TSC22D1: variants seen among roughly 807,000 people sequenced by gnomAD.
The protein encoded by TSC22D1 is TSC22 domain family protein 1.
In TSC22D1, 9 loss-of-function variants were observed where a neutral mutation model predicts 74.2. The observed-to-expected ratio is 0.12, with a 90% CI of 0.07 to 0.21. The LOEUF (loss-of-function observed/expected upper bound fraction) is 0.21. Among genes scored for constraint, TSC22D1 ranks in the 10% least tolerant of loss-of-function variants. TSC22D1 has a pLI of 1.00. For missense variants in TSC22D1, 1,427 were observed against 1,304.7 expected (o/e 1.09, Z -1.44); for synonymous variants, 586 against 492.5 (o/e 1.19, Z -2.51).
chr13:44,525,792 T>C (rs1880517514), intron 1 of TSC22D1, among the ~76,000 whole-genome samples: 1 of 114,184 alleles, frequency 8.8e-6, no homozygotes, highest in East Asian at 2.4e-4. Context: ...ATCTAGCTTT[T>C]AACAAAAAAA....
chr13:44,561,339 C>T (rs1363197723), intron 1 of TSC22D1, among the ~76,000 whole-genome samples: 1 of 152,170 alleles, frequency 6.6e-6, no homozygotes, highest in African/African-American at 2.4e-5. Flanking sequence ...AGCAACTAGA[C>T]ATCCCAAGTA....
chr13:44,450,703 G>A (rs1168710226), intron 1 of TSC22D1, among the ~76,000 whole-genome samples: 1 of 152,216 alleles, frequency 6.6e-6, no homozygotes, highest in Admixed American at 6.5e-5. Context: ...GTAGGCTAAG[G>A]GGAGTAAACT....
At chr13:44,544,641 G>A (rs1014996835) in intron 1 of TSC22D1, among the ~76,000 whole-genome samples, 1 of 150,340 alleles carries the variant, frequency 6.7e-6, no homozygotes, top group Non-Finnish European at 1.5e-5. Flanking sequence ...TTTCCTAAAA[G>A]AGAAGAAAGC....
At chr13:44,518,592 G>GA (rs888120219) in intron 1 of TSC22D1, among the ~76,000 whole-genome samples, 1 of 152,090 alleles carries the variant, frequency 6.6e-6, no homozygotes, top group Non-Finnish European at 1.5e-5. Context: ...GCCTATGAGA[G>GA]AAAAAAATTT....
intron 1 of TSC22D1, among the ~76,000 whole-genome samples, chr13:44,489,663 A>G (rs1878612089): frequency 6.6e-6 from 1 of 151,996 alleles, no homozygotes; most frequent in Non-Finnish European, 1.5e-5. Context: ...TCATCTCTAT[A>G]AAGAATTTTA....
chr13:44,451,735 C>T (rs982701287), intron 1 of TSC22D1, among the ~76,000 whole-genome samples: 5 of 152,326 alleles, frequency 3.3e-5, no homozygotes, highest in East Asian at 3.9e-4. Flanking sequence ...TGAAGCCACA[C>T]GCTGAGGATC....
intron 1 of TSC22D1, among the ~76,000 whole-genome samples, chr13:44,459,101 C>T (rs73188737): frequency 0.024 from 3,663 of 152,266 alleles, 43 homozygotes; most frequent in Non-Finnish European, 0.035. Context: ...GTGCTTTTTC[C>T]AGGCCCACTC....
chr13:44,436,309 A>AT, intron 1 of TSC22D1: 1 of 928,748 alleles, frequency 1.1e-6, no homozygotes, highest in Non-Finnish European at 1.6e-6. Flanking sequence ...AAAGGACTAA[A>AT]TTACATAATG....
At chr13:44,492,419 T>C (rs936592827) in intron 1 of TSC22D1, among the ~76,000 whole-genome samples, 2 of 152,198 alleles carry the variant, frequency 1.3e-5, no homozygotes, top group Admixed American at 6.5e-5. Flanking sequence ...TTGGAAAATC[T>C]TGAATTGAAC....
intron 1 of TSC22D1, among the ~76,000 whole-genome samples, chr13:44,534,357 G>A (rs1483264562): frequency 4.8e-5 from 6 of 126,266 alleles, no homozygotes; most frequent in African/African-American, 1.2e-4. Context: ...GTGAGACCCC[G>A]TCTTAAAAAA....
At chr13:44,557,445 G>A (rs1448627942) in intron 1 of TSC22D1, among the ~76,000 whole-genome samples, 1 of 152,240 alleles carries the variant, frequency 6.6e-6, no homozygotes, top group Non-Finnish European at 1.5e-5. Context: ...TGGCGACAGA[G>A]CGAGACTCCG....
At chr13:44,448,724 G>C (rs926232000) in intron 1 of TSC22D1, among the ~76,000 whole-genome samples, 6 of 152,106 alleles carry the variant, frequency 3.9e-5, no homozygotes, top group African/African-American at 1.4e-4. Context: ...AAGCAAAATG[G>C]ACCTTGGAGA....
At chr13:44,531,185 T>C (rs1323038898) in intron 1 of TSC22D1, among the ~76,000 whole-genome samples, 2 of 152,120 alleles carry the variant, frequency 1.3e-5, no homozygotes, top group Non-Finnish European at 2.9e-5. Context: ...TAACACAAGA[T>C]GGTAACAGGA....
intron 1 of TSC22D1, among the ~76,000 whole-genome samples, chr13:44,506,671 T>A (rs760207287): frequency 6.6e-6 from 1 of 152,146 alleles, no homozygotes; most frequent in African/African-American, 2.4e-5. Flanking sequence ...TGTAAGAAGA[T>A]AGCTAGAAGG....
chr13:44,551,831 T>C (rs113907580), intron 1 of TSC22D1, among the ~76,000 whole-genome samples: 3,556 of 152,092 alleles, frequency 0.023, 118 homozygotes, highest in African/African-American at 0.076. Flanking sequence ...AGGTCAGGTG[T>C]TCGAGGCTGC....
intron 1 of TSC22D1, chr13:44,436,299 A>G: frequency 1.1e-6 from 1 of 905,140 alleles, no homozygotes; most frequent in Non-Finnish European, 1.7e-6. Context: ...AGTAAGCCAC[A>G]AAGGACTAAA....
rs1199466516 is a variant in TSC22D1 at position 44,575,929 on chromosome 13, C to G, written c.146G>C (p.Gly49Ala). ...SALNAAGTGV[G>A]SNATSSEDFP... ...ATCCTCGGAAGATGTGGCATTACTA[C>G]CGACGCCGGTACCTGCTGCATTGAG... is the stretch of plus-strand genomic sequence containing the variant. Residue 49 changes from glycine (G) to alanine (A), a missense_variant, in exon 1 of 3, where the codon GGT (glycine) becomes GCT (alanine). Physicochemically the swap from Gly to Ala is moderately conservative, Grantham distance 60 (BLOSUM62 0). This residue lies in a region of TSC22D1 where 1,343 missense variants were observed against 1,191.5 expected (regional missense o/e 1.13). Coordinates refer to ENST00000458659, the MANE Select transcript of TSC22D1 (RefSeq NM_183422.4). 1.2e-6 allele frequency: 2 copies of G among 1,613,138 alleles called. No homozygotes were observed. Among genetic ancestry groups the G allele is most frequent in the Admixed American group, 3.3e-5 (2 of 59,894 alleles).
intron 1 of TSC22D1, among the ~76,000 whole-genome samples, chr13:44,487,498 C>T (rs1367747111): frequency 8.5e-5 from 2 of 23,460 alleles, no homozygotes; most frequent in African/African-American, 2.2e-4. Context: ...GACTCCATCT[C>T]AAAAAAAAAA....
At chr13:44,436,869 A>C (rs1874709521) in intron 1 of TSC22D1, 3 of 1,222,802 alleles carry the variant, frequency 2.5e-6, no homozygotes, top group Non-Finnish European at 3.1e-6. Context: ...CAGGACTCCC[A>C]GTCTTAGTGC....
Sources: gnomAD v4.1 joint callset for allele counts (sites outside exome capture counted in the v4.1 genomes callset) on GRCh38, gnomAD v4.1.1 for gene constraint, gnomAD v4.1.1 regional missense constraint, MANE v1.5 for transcripts, NCBI Gene and HGNC (gene_info 2026-07-23, HGNC 2026-07-21) for gene names.